The following PGM2L1 variants were observed in gnomAD, a reference collection of about 807,000 sequenced individuals.
The protein encoded by PGM2L1 is phosphoglucomutase 2 like 1.
Under a neutral mutation model 73.4 loss-of-function variants are expected in PGM2L1, and 35 were observed. The ratio of observed to expected loss-of-function variants is 0.48; its 90% confidence interval spans 0.36 to 0.63. The LOEUF (loss-of-function observed/expected upper bound fraction) is 0.63, where lower values mean the gene tolerates loss of function less well. Ranked by LOEUF, PGM2L1 falls within the 30% of genes least tolerant of loss-of-function variation. The pLI, the probability that PGM2L1 is intolerant of heterozygous loss-of-function variation, is 0.00. For synonymous variants in PGM2L1, 225 were observed against 253.8 expected, an observed-to-expected ratio of 0.89 and a Z score of 1.08; for missense variants, 570 against 742.0, an observed-to-expected ratio of 0.77 and a Z score of 2.69.
chr11:74,383,272 G>A (rs946669357), intron 1 of PGM2L1, among the ~76,000 whole-genome samples: 2 of 151,858 alleles, frequency 1.3e-5, no homozygotes, highest in East Asian at 1.9e-4. Flanking sequence ...TATATTAAGG[G>A]AGTAAGTATA....
chr11:74,393,719 C>A (rs1054159749), intron 1 of PGM2L1, among the ~76,000 whole-genome samples: 1 of 152,174 alleles, frequency 6.6e-6, no homozygotes, highest in South Asian at 2.1e-4. Flanking sequence ...GCCTCCACAT[C>A]GTTGTTGATA....
chr11:74,371,764 A>C lies in PGM2L1; in HGVS notation c.333T>G (p.Phe111Leu). The change falls in exon 3 of 14, where the codon TTT (phenylalanine) becomes TTG (leucine). Residue 111 changes from phenylalanine (F) to leucine (L), a missense_variant. By Grantham distance (22) the Phe-to-Leu change is conservative. Coordinates refer to ENST00000298198, the MANE Select transcript of PGM2L1 (RefSeq NM_173582.6). ...RCFSDFKQRG[F>L]VVGYDTRGQV... The stretch of plus-strand genomic sequence containing the variant: ...GACCCCGAGTGTCATACCCAACCAC[A>C]AAGCCTCTCTGCTTGAAGTCTGAGA... The C allele has an allele frequency of 1.9e-6, 3 of 1,613,962 alleles. No individual in the cohort carries two copies. In the African/African-American group the frequency reaches 4.0e-5, roughly 22 times the overall value.
intron 1 of PGM2L1, among the ~76,000 whole-genome samples, chr11:74,396,283 A>G (rs912762957): frequency 6.7e-6 from 1 of 149,152 alleles, no homozygotes. Context: ...AAAAAAAAAA[A>G]TCAATCAGGA....
rs1352909180 is a variant in PGM2L1, at chr11:74,332,826, G to A, written c.*3826C>T. On this transcript the variant is annotated 3_prime_UTR_variant, in exon 14 of 14. Coordinates refer to ENST00000298198, the MANE Select transcript of PGM2L1 (RefSeq NM_173582.6). ...TCTTAGAACCTCTCCATCTGCTAACGTATCTACATCAAAATAACAACATAT... is the reference window on the plus strand; with the variant it reads ...TCTTAGAACCTCTCCATCTGCTAACATATCTACATCAAAATAACAACATAT... The A allele has an allele frequency of 2.0e-5, 3 of 152,380 alleles. No homozygotes were observed. Among genetic ancestry groups the A allele is most frequent in the South Asian group, 4.1e-4 (2 of 4,826 alleles). 9.4% of individuals were successfully genotyped at this position (152,380 alleles called of 1,614,324 possible). A position where few individuals can be genotyped will look rare whatever the true frequency, so the allele number is the denominator to read the frequency against.
Position 74,398,243 on chromosome 11 carries a change from G to A in PGM2L1, c.-82C>T. On this transcript the variant is annotated 5_prime_UTR_variant, in exon 1 of 14. Transcript: ENST00000298198. ...GGGTGGCTTGGGGTTCGCTCACCAG[G>A]GTCCAGGCGTCCCCACCTCACTGAA... 2 of 1,501,076 alleles carry A rather than the reference G, an allele frequency of 1.3e-6. No homozygotes were observed. Among genetic ancestry groups the A allele is most frequent in the Non-Finnish European group, 1.8e-6 (2 of 1,124,638 alleles). 93.0% of individuals were successfully genotyped at this position (1,501,076 alleles called of 1,614,324 possible). A position where few individuals can be genotyped will look rare whatever the true frequency, so the allele number is the denominator to read the frequency against.
intron 5 of PGM2L1, chr11:74,355,677 T>C (rs1862439619): frequency 3.9e-6 from 2 of 510,200 alleles, no homozygotes; most frequent in African/African-American, 3.9e-5. Flanking sequence ...AAGGTGGCTA[T>C]GGTGGTTCCA....
intron 1 of PGM2L1, among the ~76,000 whole-genome samples, chr11:74,392,878 GT>G (rs1863123806): frequency 1.3e-5 from 2 of 152,158 alleles, no homozygotes; most frequent in Non-Finnish European, 2.9e-5. Flanking sequence ...TTGAAACTTA[GT>G]TTATGTTGTC....
intron 1 of PGM2L1, among the ~76,000 whole-genome samples, chr11:74,391,681 G>A (rs1000995964): frequency 3.9e-5 from 6 of 152,034 alleles, no homozygotes; most frequent in Middle Eastern, 6.8e-3. Flanking sequence ...TGTATCCATT[G>A]CTTTACTTAT....
chr11:74,366,339 T>A (rs1280348706), intron 5 of PGM2L1, among the ~76,000 whole-genome samples: 1 of 148,400 alleles, frequency 6.7e-6, no homozygotes, highest in East Asian at 2.0e-4. Flanking sequence ...TGTGCACATG[T>A]ACCCTAGAAC....
Position 74,374,504 on chromosome 11 carries a change from G to C in PGM2L1, c.190C>G (p.Arg64Gly), listed in dbSNP as rs1862827739. The change falls in exon 2 of 14, where the codon CGA becomes GGA. Residue 64 changes from arginine to glycine, a missense_variant. By Grantham distance (125) the Arg-to-Gly change is moderately radical. Coordinates refer to ENST00000298198, the MANE Select transcript of PGM2L1 (RefSeq NM_173582.6). The part of the protein sequence containing the change: ...NKELRDRLCC[R>G]MTFGTAGLRS... ...AGTCCTGCAGTCCCAAAAGTCATTC[G>C]GCAACAAAGACGATCTCGCAGCTCC... The C allele has an allele frequency of 1.9e-6, 3 of 1,613,946 alleles. No individual in the cohort carries two copies. Among genetic ancestry groups the C allele is most frequent in the Non-Finnish European group, 2.5e-6 (3 of 1,179,982 alleles).
At chr11:74,386,330 AT>A (rs568771145) in intron 1 of PGM2L1, among the ~76,000 whole-genome samples, 61 of 152,232 alleles carry the variant, frequency 4.0e-4, no homozygotes, top group African/African-American at 1.4e-3. Context: ...TATAGTTTTT[AT>A]TTTTCACAAT....
intron 5 of PGM2L1, among the ~76,000 whole-genome samples, chr11:74,364,569 AACAG>A (rs1483399557): frequency 6.6e-6 from 1 of 152,196 alleles, no homozygotes; most frequent in African/African-American, 2.4e-5. Context: ...ATACACCAAT[AACAG>A]ACAAACAGAG....
chr11:74,366,607 A>G (rs1862663649), intron 5 of PGM2L1, among the ~76,000 whole-genome samples: 1 of 152,048 alleles, frequency 6.6e-6, no homozygotes, highest in African/African-American at 2.4e-5. Context: ...AAAGGATAAA[A>G]ATAAGCAAGT....
At position 74,374,441 on chromosome 11, in the gene PGM2L1, CATTA is replaced by C; in HGVS notation, c.249_252del (p.Ile83MetfsTer5). On this transcript the variant is annotated frameshift_variant, in exon 2 of 14. Coordinates refer to ENST00000298198, the MANE Select transcript of PGM2L1 (RefSeq NM_173582.6). LOFTEE classifies it high-confidence loss of function. ...TGTGTTGACTGTATTACTGTAAGGT[CATTA>C]ATATAGCAAAACCCTGCCCCCATGG... 6.2e-7 allele frequency: 1 copy of C among 1,613,658 alleles called. No homozygotes were observed. The highest frequency in any genetic ancestry group is 8.5e-7 in the Non-Finnish European group (1 of 1,179,702).
intron 5 of PGM2L1, among the ~76,000 whole-genome samples, chr11:74,365,262 C>T (rs1167868176): frequency 6.6e-6 from 1 of 152,046 alleles, no homozygotes; most frequent in Non-Finnish European, 1.5e-5. Context: ...CGTAAAAATC[C>T]CAGAAGAAAA....
intron 4 of PGM2L1, among the ~76,000 whole-genome samples, chr11:74,369,904 A>C (rs1041525423): frequency 4.0e-5 from 6 of 151,718 alleles, no homozygotes; most frequent in Non-Finnish European, 7.4e-5. Flanking sequence ...GCACCACCAC[A>C]CCTGGCTAAT....
chr11:74,373,901 A>G (rs1223566654), intron 2 of PGM2L1, among the ~76,000 whole-genome samples: 1 of 152,200 alleles, frequency 6.6e-6, no homozygotes, highest in Non-Finnish European at 1.5e-5. Flanking sequence ...TCAGTCTGTG[A>G]CCATGAAGAT....
In PGM2L1 at chr11:74,334,606, C is replaced by T. The variant is rs1862064803; in HGVS notation, c.*2046G>A. The T allele has an allele frequency of 6.6e-6, 1 of 152,180 alleles. No homozygotes were observed. The highest frequency in any genetic ancestry group is 1.5e-5 in the Non-Finnish European group (1 of 68,028). 9.4% of individuals were successfully genotyped at this position (152,180 alleles called of 1,614,324 possible). ...AGAAAGTAAGGAAGGAACAAATTAA[C>T]AATAGTGGCAATACAATAGTTGGAC... is the stretch of plus-strand genomic sequence containing the variant. On this transcript the variant is annotated 3_prime_UTR_variant, in exon 14 of 14. Coordinates refer to ENST00000298198, the MANE Select transcript of PGM2L1 (RefSeq NM_173582.6).
rs1591173827 is a variant in PGM2L1, at chr11:74,354,347, A to G, written c.556-2771T>C. 3 of 531,606 alleles carry G rather than the reference A, an allele frequency of 5.6e-6. No individual in the cohort carries two copies. The East Asian group carries it at 8.5e-5, about 15-fold the overall frequency. 32.9% of individuals were successfully genotyped at this position (531,606 alleles called of 1,614,324 possible). On this transcript the variant is annotated intron_variant, in intron 5 of 13. Transcript: ENST00000298198. The stretch of plus-strand genomic sequence containing the variant: ...GAATAAATGTTAAAAAATGTGTGAA[A>G]AATCTAGTTTAAAAAAACGTTTAGG...
Sources: allele counts gnomAD v4.1 joint callset (sites outside exome capture counted in the v4.1 genomes callset), GRCh38; gene constraint gnomAD v4.1.1; transcripts MANE v1.5; gene names NCBI Gene and HGNC (gene_info 2026-07-23, HGNC 2026-07-21).